The following NALF1 variants were observed in gnomAD, a reference collection of about 807,000 sequenced individuals.
NALF1 encodes the protein NALCN channel auxiliary factor 1.
A neutral mutation model predicts 48.4 loss-of-function variants in NALF1; 3 were observed. That is an observed-to-expected ratio of 0.06 (90% CI 0.03 to 0.16). NALF1 has a LOEUF of 0.16. NALF1 is among the 10% of genes least tolerant of loss of function. The probability of loss-of-function intolerance (pLI) is 1.00; values close to 1 mark genes in which losing one functional copy is unlikely to be tolerated. For synonymous variants in NALF1, 262 were observed against 245.7 expected (o/e 1.07, Z -0.62); for missense variants, 526 against 571.5 (o/e 0.92, Z 0.81).
intron 1 of NALF1, among the ~76,000 whole-genome samples, chr13:107,557,327 T>C (rs1302628154): frequency 6.6e-6 from 1 of 152,152 alleles, no homozygotes; most frequent in African/African-American, 2.4e-5. Flanking sequence ...GAAGCAATCT[T>C]GATGGGGTGG....
chr13:107,261,810 C>A (rs1880932698), intron 1 of NALF1, among the ~76,000 whole-genome samples: 1 of 152,094 alleles, frequency 6.6e-6, no homozygotes, highest in Admixed American at 6.6e-5. Flanking sequence ...GCAAATAAAT[C>A]ACTAATTTCA....
At chr13:107,642,314 C>T (rs1880181742) in intron 1 of NALF1, among the ~76,000 whole-genome samples, 1 of 152,150 alleles carries the variant, frequency 6.6e-6, no homozygotes, top group Admixed American at 6.5e-5. Context: ...GCTATGCCCA[C>T]ACAATAAGAA....
chr13:107,292,107 A>C (rs58122526), intron 1 of NALF1, among the ~76,000 whole-genome samples: 30,269 of 152,230 alleles, frequency 0.2, 3,808 homozygotes, highest in African/African-American at 0.35. Flanking sequence ...TATGGCATAC[A>C]GCCCATTGCT....
At chr13:107,393,269 T>G (rs1234025112) in intron 1 of NALF1, among the ~76,000 whole-genome samples, 1 of 152,116 alleles carries the variant, frequency 6.6e-6, no homozygotes. Context: ...TTCCAAAATT[T>G]TAGATTTAAA....
chr13:107,669,486 T>C (rs1297668748), intron 1 of NALF1, among the ~76,000 whole-genome samples: 3 of 152,042 alleles, frequency 2.0e-5, no homozygotes, highest in South Asian at 2.1e-4. Context: ...CAATACAACA[T>C]AAATGAGTCA....
chr13:107,270,740 T>C (rs1341628981), intron 1 of NALF1, among the ~76,000 whole-genome samples: 1 of 151,992 alleles, frequency 6.6e-6, no homozygotes, highest in Admixed American at 6.6e-5. Flanking sequence ...TGTATACATG[T>C]GCCATGTTGG....
intron 1 of NALF1, among the ~76,000 whole-genome samples, chr13:107,587,904 C>G (rs1415095026): frequency 1.3e-5 from 2 of 152,136 alleles, no homozygotes; most frequent in African/African-American, 4.8e-5. Flanking sequence ...GAGTGTCTAA[C>G]TCCTCTCTTC....
At chr13:107,182,943 C>A (rs1879097634) in intron 2 of NALF1, among the ~76,000 whole-genome samples, 1 of 152,082 alleles carries the variant, frequency 6.6e-6, no homozygotes. Context: ...TTAGAAACAT[C>A]CAAGTCTATT....
At chr13:107,847,253 T>C (rs1880196171) in intron 1 of NALF1, among the ~76,000 whole-genome samples, 1 of 152,236 alleles carries the variant, frequency 6.6e-6, no homozygotes. Flanking sequence ...ACATTTCTCT[T>C]TGATTTATTG....
intron 1 of NALF1, among the ~76,000 whole-genome samples, chr13:107,722,650 C>G (rs1876019440): frequency 1.3e-5 from 2 of 152,174 alleles, no homozygotes; most frequent in African/African-American, 4.8e-5. Flanking sequence ...GGGAGAAAGG[C>G]TTTGGATCCA....
chr13:107,624,309 G>T (rs896728288), intron 1 of NALF1, among the ~76,000 whole-genome samples: 2 of 152,074 alleles, frequency 1.3e-5, no homozygotes, highest in Admixed American at 6.6e-5. Flanking sequence ...TGGATAGTGG[G>T]GAGCAAGGAT....
At chr13:107,677,002 A>G (rs4772907) in intron 1 of NALF1, among the ~76,000 whole-genome samples, 80,696 of 151,964 alleles carry the variant, frequency 0.53, 21,882 homozygotes, top group Middle Eastern at 0.67. Context: ...TTGGGGTCAG[A>G]ATCATATATA....
intron 1 of NALF1, among the ~76,000 whole-genome samples, chr13:107,813,590 G>T (rs1474653075): frequency 6.6e-6 from 1 of 151,752 alleles, no homozygotes; most frequent in African/African-American, 2.4e-5. Context: ...TTCATGCAGG[G>T]TAGATACTTA....
intron 1 of NALF1, among the ~76,000 whole-genome samples, chr13:107,387,171 C>T (rs536267996): frequency 7.9e-5 from 12 of 152,216 alleles, no homozygotes; most frequent in Admixed American, 3.3e-4. Context: ...TTAGAAATTT[C>T]GACGGTCCTA....
chr13:107,763,345 G>A (rs1167791652), intron 1 of NALF1, among the ~76,000 whole-genome samples: 2 of 151,594 alleles, frequency 1.3e-5, no homozygotes, highest in African/African-American at 4.8e-5. Flanking sequence ...TCCATATAAT[G>A]TCCACTTACA....
At chr13:107,668,321 C>T (rs2138483314) in intron 1 of NALF1, among the ~76,000 whole-genome samples, 1 of 152,140 alleles carries the variant, frequency 6.6e-6, no homozygotes, top group Middle Eastern at 3.4e-3. Context: ...AGTCCCTGAT[C>T]CTTTCTTTCC....
intron 1 of NALF1, among the ~76,000 whole-genome samples, chr13:107,684,541 G>T (rs1881385197): frequency 6.6e-6 from 1 of 152,106 alleles, no homozygotes; most frequent in African/African-American, 2.4e-5. Context: ...AGGACTCTGG[G>T]GATAGAGTGG....
At chr13:107,632,054 T>C (rs1879849974) in intron 1 of NALF1, among the ~76,000 whole-genome samples, 1 of 152,214 alleles carries the variant, frequency 6.6e-6, no homozygotes, top group Non-Finnish European at 1.5e-5. Flanking sequence ...AAGTAAATTA[T>C]ACCTATTGTA....
chr13:107,258,228 A>G (rs545768468), intron 1 of NALF1, among the ~76,000 whole-genome samples: 1 of 152,212 alleles, frequency 6.6e-6, no homozygotes, highest in Admixed American at 6.5e-5. Context: ...TAGAAATTAG[A>G]TGATATTTTA....
Sources: gnomAD v4.1 joint callset for allele counts (sites outside exome capture counted in the v4.1 genomes callset) on GRCh38, gnomAD v4.1.1 for gene constraint, MANE v1.5 for transcripts, NCBI Gene and HGNC (gene_info 2026-07-23, HGNC 2026-07-21) for gene names.